The following RIPOR1 variants were observed in gnomAD, a reference collection of about 807,000 sequenced individuals.
RIPOR1 encodes the protein RHO family interacting cell polarization regulator 1.
Under a neutral mutation model 116.5 loss-of-function variants are expected in RIPOR1, and 58 were observed. That is an observed-to-expected ratio of 0.50 (90% CI 0.40 to 0.62). The LOEUF (loss-of-function observed/expected upper bound fraction) is 0.62, where lower values mean the gene tolerates loss of function less well. Ranked by LOEUF, RIPOR1 falls within the 20% of genes least tolerant of loss-of-function variation. The pLI is 0.00. For missense variants in RIPOR1, 1,372 were observed against 1,586.2 expected (o/e 0.86, Z 2.29); for synonymous variants, 605 against 650.0 (o/e 0.93, Z 1.05).
chr16:67,539,038 G>C lies in RIPOR1; in HGVS notation c.306G>C (p.Gln102His). ...AGGAGCAAGAGAAACTCCAGGGGCA[G>C]ATAAGGGAGTCCAAGAGGAATTCCC... ...HQQEQEKLQG[Q>H]IRESKRNSRL... Residue 102 changes from glutamine (Q) to histidine (H), a missense_variant, in exon 4 of 22, where the codon CAG (glutamine) becomes CAC (histidine). Around this residue, in one of 3 missense-constraint regions of RIPOR1, gnomAD observed 165 missense variants for 145.5 expected, o/e 1.13. Transcript: ENST00000042381. 1 of 1,613,340 alleles carries C rather than the reference G, an allele frequency of 6.2e-7. No homozygotes were observed. Among genetic ancestry groups the C allele is most frequent in the Non-Finnish European group, 8.5e-7 (1 of 1,179,814 alleles).
upstream of RIPOR1, among the ~76,000 whole-genome samples, chr16:67,526,250 G>C (rs1412480387): frequency 1.3e-5 from 2 of 152,200 alleles, no homozygotes; most frequent in Non-Finnish European, 2.9e-5. Context: ...TAGGCAGAAG[G>C]GAGGCTGGGA....
chr16:67,541,900 G>A lies in RIPOR1; in HGVS notation c.1114G>A (p.Gly372Arg). 1 of 1,610,068 alleles carries A rather than the reference G, an allele frequency of 6.2e-7. No homozygotes were observed. Among genetic ancestry groups the A allele is most frequent in the Non-Finnish European group, 8.5e-7 (1 of 1,177,500 alleles). ...MLRRQEELEN[G>R]TAWSLSSESS... ...GCGACGGCAGGAGGAGCTGGAGAAT[G>A]GGACAGCATGGTCCCTGTCATCTGA... Residue 372 changes from glycine (G) to arginine (R), a missense_variant, in exon 13 of 22, where the codon GGG (glycine) becomes AGG (arginine). Physicochemically the swap from Gly to Arg is moderately radical, Grantham distance 125. This residue lies in a region of RIPOR1 where 1,005 missense variants were observed against 1,144.7 expected (regional missense o/e 0.88). Transcript: ENST00000042381. The surrounding 1 kb of genome is among the most constrained non-coding windows in gnomAD (Gnocchi z 4.6).
chr16:67,538,381 C>T lies in RIPOR1; in HGVS notation c.-23-43C>T, dbSNP rs1445112507. 2.0e-6 allele frequency: 3 copies of T among 1,525,606 alleles called. No homozygotes were observed. The African/African-American group carries it at 4.1e-5, about 21-fold the overall frequency. 94.5% of individuals were successfully genotyped at this position (1,525,606 alleles called of 1,614,324 possible). On this transcript the variant is annotated intron_variant, in intron 1 of 21. Transcript: ENST00000042381. Reference sequence around the variant, plus strand: ...GATCCCGCTGCGTGGGAGAGGGCTTCGGGGATCCGACTGGTACTGGACACC... The same window carrying T: ...GATCCCGCTGCGTGGGAGAGGGCTTTGGGGATCCGACTGGTACTGGACACC...
Position 67,529,782 on chromosome 16 carries a change from GC to G in RIPOR1, c.-24+870del. On this transcript the variant is annotated intron_variant, in intron 1 of 21. Transcript: ENST00000042381. This position sits in a 1 kb window ranked among gnomAD's most constrained non-coding sequence, Gnocchi z 4.1. Reference sequence around the variant, plus strand: ...TGCAGTCTGCGGGGCCGCGCCCTGGGCCTGCCGCATTCGGCCAACGCACAGC... The same window carrying G: ...TGCAGTCTGCGGGGCCGCGCCCTGGGCTGCCGCATTCGGCCAACGCACAGC... 6.5e-7 allele frequency: 1 copy of G among 1,535,566 alleles called. No homozygotes were observed. Among genetic ancestry groups the G allele is most frequent in the African/African-American group, 1.4e-5 (1 of 73,164 alleles).
Position 67,540,019 on chromosome 16 carries a change from AGTCCCCCTACT to A in RIPOR1, c.415-30_415-20del. On this transcript the variant is annotated intron_variant, in intron 6 of 21. Coordinates refer to ENST00000042381, the MANE Select transcript of RIPOR1 (RefSeq NM_024519.4). The surrounding 1 kb of genome is among the most constrained non-coding windows in gnomAD (Gnocchi z 4.7). ...GTGAGTAACCCCAGAGGTGAGTCTCAGTCCCCCTACTGTCACCCCACTCACCTTCCCAGATC... is the reference window on the plus strand; with the variant it reads ...GTGAGTAACCCCAGAGGTGAGTCTCAGTCACCCCACTCACCTTCCCAGATC... 1 of 1,613,922 alleles carries A rather than the reference AGTCCCCCTACT, an allele frequency of 6.2e-7. No individual in the cohort carries two copies. The highest frequency in any genetic ancestry group is 8.5e-7 in the Non-Finnish European group (1 of 1,179,870).
chr16:67,528,966 C>A, intron 1 of RIPOR1, 52 bp downstream of exon 1: 1 of 177,296 alleles, frequency 5.6e-6, no homozygotes, highest in Non-Finnish European at 1.2e-5. Context: ...GGAGCAGGCG[C>A]GGAGGTTCTG....
Position 67,538,568 on chromosome 16 carries a change from G to A in RIPOR1, c.104+18G>A, listed in dbSNP as rs542569987. The A allele has an allele frequency of 2.5e-6, 4 of 1,611,604 alleles. No homozygotes were observed. The South Asian group carries it at 4.4e-5, about 18-fold the overall frequency. ...GGGCCCAGGTACGCGGCCGCGCAGG[G>A]TTGGTGGGGTCAAAGGGCGTCAGAT... is the stretch of plus-strand genomic sequence containing the variant. On this transcript the variant is annotated intron_variant, in intron 2 of 21. Transcript: ENST00000042381.
chr16:67,528,689 G>T (rs1314291514), upstream of RIPOR1: 1 of 151,630 alleles, frequency 6.6e-6, no homozygotes, highest in East Asian at 1.9e-4. Flanking sequence ...CCACCGGCCT[G>T]CCCCGTTATC....
rs569075307 is a variant in RIPOR1, at chr16:67,538,306, C to T, written c.-23-118C>T. Reference sequence around the variant, plus strand: ...CGGGACTAGGCGGACCCGGCCGGAGCCCGCTGGGGCAGCTGTGCCTAGCGA... The same window carrying T: ...CGGGACTAGGCGGACCCGGCCGGAGTCCGCTGGGGCAGCTGTGCCTAGCGA... On this transcript the variant is annotated intron_variant, in intron 1 of 21. Coordinates refer to ENST00000042381, the MANE Select transcript of RIPOR1 (RefSeq NM_024519.4). 1.1e-3 allele frequency: 1,547 copies of T among 1,366,580 alleles called. 2 individuals are homozygous for T. Among genetic ancestry groups the T allele is most frequent in the Middle Eastern group, 1.9e-3 (9 of 4,716 alleles). The allele number at this position is 1,366,580 out of a possible 1,614,324, so 84.7% of individuals were successfully genotyped here.
At position 67,542,337 on chromosome 16, in the gene RIPOR1, A is replaced by G. The variant is rs146191244; in HGVS notation, c.1551A>G (p.Thr517=). 20 of 1,613,612 alleles carry G rather than the reference A, an allele frequency of 1.2e-5. No homozygotes were observed. Among genetic ancestry groups the G allele is most frequent in the African/African-American group, 2.7e-5 (2 of 74,744 alleles). The change falls in exon 13 of 22, where the codon ACA becomes ACG. Residue 517 remains threonine (T), a synonymous_variant. Transcript: ENST00000042381. This position sits in a 1 kb window ranked among gnomAD's most constrained non-coding sequence, Gnocchi z 4.6. The part of the protein sequence containing the change: ...STLGTTGSVP[T]STDPAPSAHL... ...TCGGTACAACAGGCTCTGTCCCCAC[A>G]TCTACAGACCCTGCCCCATCTGCAC... is the stretch of plus-strand genomic sequence containing the variant.
rs770942148 is a variant in RIPOR1, at chr16:67,544,810, C to T, written c.2849C>T (p.Pro950Leu). 1.9e-5 allele frequency: 31 copies of T among 1,595,968 alleles called. No homozygotes were observed. Among genetic ancestry groups the T allele is most frequent in the South Asian group, 8.9e-5 (8 of 90,098 alleles). The change falls in exon 16 of 22, where the codon CCG becomes CTG. Residue 950 changes from proline (P) to leucine (L), a missense_variant. Physicochemically the swap from Pro to Leu is moderately conservative, Grantham distance 98. Coordinates refer to ENST00000042381, the MANE Select transcript of RIPOR1 (RefSeq NM_024519.4). The surrounding 1 kb of genome is among the most constrained non-coding windows in gnomAD (Gnocchi z 5.1). ...GAGTTCAGCAGGCGGTGGGAGATCC[C>T]GGCCAGCTCTGCCCAGGAAGGTAAA... is the stretch of plus-strand genomic sequence containing the variant. ...VCEFSRRWEI[P>L]ASSAQEVVQF... is the part of the protein sequence containing the mutation.
chr16:67,523,711 C>T (rs535962532), intron 1 of RIPOR1, among the ~76,000 whole-genome samples: 5 of 150,424 alleles, frequency 3.3e-5, no homozygotes, highest in East Asian at 2.0e-4. Context: ...GACAGGGTCT[C>T]GCTCTGTTGC....
upstream of RIPOR1, among the ~76,000 whole-genome samples, chr16:67,525,903 C>T (rs1275745901): frequency 6.6e-6 from 1 of 152,124 alleles, no homozygotes; most frequent in African/African-American, 2.4e-5. Flanking sequence ...CTTCCCTGAG[C>T]TTCAGGTGTC....
Position 67,528,901 on chromosome 16 carries a change from C to T in RIPOR1, c.-37C>T, listed in dbSNP as rs1350800930. The T allele has an allele frequency of 1.0e-5, 2 of 195,602 alleles. No individual in the cohort carries two copies. The highest frequency in any genetic ancestry group is 6.0e-5 in the South Asian group (1 of 16,624). The allele number at this position is 195,602 out of a possible 1,614,324, so 12.1% of individuals were successfully genotyped here. A position where few individuals can be genotyped will look rare whatever the true frequency, so the allele number is the denominator to read the frequency against. Reference sequence around the variant, plus strand: ...CAAGGACAGCGCGAGGTCCGCGCAGCCCAGCGCAGCCATGTGAGTGTCCCG... The same window carrying T: ...CAAGGACAGCGCGAGGTCCGCGCAGTCCAGCGCAGCCATGTGAGTGTCCCG... On this transcript the variant is annotated 5_prime_UTR_variant, in exon 1 of 22. Coordinates refer to ENST00000042381, the MANE Select transcript of RIPOR1 (RefSeq NM_024519.4).
chr16:67,532,218 TAGC>T (rs947075193), intron 1 of RIPOR1, among the ~76,000 whole-genome samples: 31 of 152,264 alleles, frequency 2.0e-4, no homozygotes, highest in African/African-American at 7.5e-4. Flanking sequence ...TTAAAAATAA[TAGC>T]AGTTAGTATT....
At position 67,540,122 on chromosome 16, in the gene RIPOR1, G is replaced by A; in HGVS notation, c.484G>A (p.Ala162Thr). 1 of 1,614,212 alleles carries A rather than the reference G, an allele frequency of 6.2e-7. No individual in the cohort carries two copies. The highest frequency in any genetic ancestry group is 8.5e-7 in the Non-Finnish European group (1 of 1,180,034). The change falls in exon 7 of 22, where the codon GCC becomes ACC. Residue 162 changes from alanine (A) to threonine (T), a missense_variant. Physicochemically the swap from Ala to Thr is moderately conservative, Grantham distance 58. Coordinates refer to ENST00000042381, the MANE Select transcript of RIPOR1 (RefSeq NM_024519.4). This position sits in a 1 kb window ranked among gnomAD's most constrained non-coding sequence, Gnocchi z 4.7. ...LRDGAYNMVR[A>T]YTTGSPGSRE... Reference sequence around the variant, plus strand: ...GGATGGTGCCTACAACATGGTCCGTGCCTACACCACTGGGTCCCCGGGAAG... The same window carrying A: ...GGATGGTGCCTACAACATGGTCCGTACCTACACCACTGGGTCCCCGGGAAG...
intron 1 of RIPOR1, among the ~76,000 whole-genome samples, chr16:67,532,841 A>T (rs909840928): frequency 6.6e-6 from 1 of 152,242 alleles, no homozygotes; most frequent in Non-Finnish European, 1.5e-5. Flanking sequence ...GGCACTGTCA[A>T]GTGGCTACAA....
chr16:67,524,938 G>A (rs976173451), upstream of RIPOR1, among the ~76,000 whole-genome samples: 3 of 152,180 alleles, frequency 2.0e-5, no homozygotes, highest in Admixed American at 1.3e-4. Flanking sequence ...AAATCCCCCA[G>A]CCTAAAGCCC....
Position 67,546,385 on chromosome 16 carries a change from C to T in RIPOR1, c.3582C>T (p.Ala1194=). 1 of 1,614,034 alleles carries T rather than the reference C, an allele frequency of 6.2e-7. No individual in the cohort carries two copies. The highest frequency in any genetic ancestry group is 1.1e-5 in the South Asian group (1 of 91,086). The stretch of plus-strand genomic sequence containing the variant: ...TTACAGGAGAAGAGGGACAGTCTGC[C>T]CATCGACGGCTGGAGGAGTCCCTGG... ...LQQCGEEGQS[A]HRRLEESLDA... Residue 1194 remains alanine (A), a synonymous_variant, in exon 22 of 22, where the codon GCC becomes GCT. Coordinates refer to ENST00000042381, the MANE Select transcript of RIPOR1 (RefSeq NM_024519.4).
Sources: gnomAD v4.1 joint callset for allele counts (sites outside exome capture counted in the v4.1 genomes callset) on GRCh38, gnomAD v4.1.1 for gene constraint, gnomAD v4.1.1 regional missense constraint, Gnocchi (gnomAD v3.1) non-coding constraint, MANE v1.5 for transcripts, NCBI Gene and HGNC (gene_info 2026-07-23, HGNC 2026-07-21) for gene names.